The following RYR1 variants were observed in gnomAD, a reference collection of about 807,000 sequenced individuals.
RYR1 encodes ryanodine receptor 1, also known as central core disease of muscle.
In RYR1, 342 loss-of-function variants were observed where a neutral mutation model predicts 583.5. That is an observed-to-expected ratio of 0.59 (90% CI 0.54 to 0.64). RYR1 has a LOEUF of 0.64. Ranked by LOEUF, RYR1 falls within the 30% of genes least tolerant of loss-of-function variation. The pLI is 0.00. For missense variants in RYR1, 6,032 were observed against 6,917.2 expected (o/e 0.87, Z 4.54); for synonymous variants, 2,791 against 2,822.5 (o/e 0.99, Z 0.35).
Position 38,490,133 on chromosome 19 carries a change from C to G in RYR1, c.5872C>G (p.Leu1958Val), listed in dbSNP as rs1473676877. The G allele has an allele frequency of 6.2e-7, 1 of 1,614,230 alleles. No homozygotes were observed. Among genetic ancestry groups the G allele is most frequent in the East Asian group, 2.2e-5 (1 of 44,878 alleles). Reference sequence around the variant, plus strand: ...AGAGCTGCAGCACCGTGTGGAGTCCCTGGCAGCCTTTGCGGAGCGCTATGT... The same window carrying G: ...AGAGCTGCAGCACCGTGTGGAGTCCGTGGCAGCCTTTGCGGAGCGCTATGT... The part of the protein sequence containing the change: ...DQELQHRVES[L>V]AAFAERYVDK... The change falls in exon 36 of 106, where the codon CTG becomes GTG. Residue 1958 changes from leucine (L) to valine (V), a missense_variant. This residue lies in a region of RYR1 where 2,627 missense variants were observed against 2,961.3 expected (regional missense o/e 0.89). Coordinates refer to ENST00000359596, the MANE Select transcript of RYR1 (RefSeq NM_000540.3).
intron 84 of RYR1, among the ~76,000 whole-genome samples, chr19:38,542,082 T>TC (rs1037166330): frequency 8.0e-6 from 1 of 124,956 alleles, no homozygotes; most frequent in African/African-American, 3.1e-5. Context: ...AAAAAAAAAA[T>TC]CCCCCCCAAG....
chr19:38,474,110 C>T (rs1968587418), intron 28 of RYR1, among the ~76,000 whole-genome samples: 1 of 152,224 alleles, frequency 6.6e-6, no homozygotes, highest in Non-Finnish European at 1.5e-5. Context: ...GGAGAGTTTA[C>T]TGCACAGTAA....
At chr19:38,498,235 TCTGG>T (rs1415441064) in intron 42 of RYR1, among the ~76,000 whole-genome samples, 16 of 152,266 alleles carry the variant, frequency 1.1e-4, no homozygotes, top group African/African-American at 3.9e-4. Context: ...CAACAAGGGC[TCTGG>T]CTTTTACCCT....
chr19:38,544,848 G>T (rs1181751503), intron 87 of RYR1, among the ~76,000 whole-genome samples: 4 of 152,180 alleles, frequency 2.6e-5, no homozygotes, highest in Non-Finnish European at 5.9e-5. Flanking sequence ...GGTTGCAAAA[G>T]CTAGAAATCC....
At chr19:38,502,792 C>CAGGGGGAGGGGCAGGGGGAGGGGG in intron 48 of RYR1, 65 bp downstream of exon 48, 1 of 678,854 alleles carries the variant, frequency 1.5e-6, no homozygotes, top group East Asian at 3.9e-5. Flanking sequence ...GGGGCAGGGG[C>CAGGGGGAGGGGCAGGGGGAGGGGG]AGGGGCAGGG....
At chr19:38,582,746 T>G (rs1444755116) in intron 101 of RYR1, among the ~76,000 whole-genome samples, 2 of 152,180 alleles carry the variant, frequency 1.3e-5, no homozygotes, top group East Asian at 3.8e-4. Context: ...TAACCCAAAT[T>G]GATGCGAACT....
chr19:38,550,063 C>G (rs1326064783), intron 89 of RYR1, among the ~76,000 whole-genome samples: 1 of 151,950 alleles, frequency 6.6e-6, no homozygotes, highest in Non-Finnish European at 1.5e-5. Context: ...GCCAATTTCC[C>G]TTTACTTTGA....
chr19:38,471,271 G>A (rs111805366), intron 27 of RYR1, among the ~76,000 whole-genome samples: 5,550 of 152,292 alleles, frequency 0.036, 324 homozygotes, highest in African/African-American at 0.13. Context: ...GCTCACGCCT[G>A]TAATCTCAGC....
At chr19:38,536,159 T>G (rs1971956440) in intron 82 of RYR1, 89 bp downstream of exon 82, 2 of 1,071,540 alleles carry the variant, frequency 1.9e-6, no homozygotes, top group African/African-American at 4.4e-5. Context: ...TGCCCAGAGC[T>G]CCCTTCCTCC....
chr19:38,578,159 T>C lies in RYR1; in HGVS notation c.14319T>C (p.Asp4773=). The change falls in exon 99 of 106, where the codon GAT becomes GAC. Residue 4773 remains aspartate, a synonymous_variant. Coordinates refer to ENST00000359596, the MANE Select transcript of RYR1 (RefSeq NM_000540.3). ...PGLLTWLMSI[D]VKYQIWKFGV... is the part of the protein sequence containing the mutation. Reference sequence around the variant, plus strand: ...GCCCCCACAGGCTCATGTCCATCGATGTCAAGTACCAGATCTGGAAGTTCG... The same window carrying C: ...GCCCCCACAGGCTCATGTCCATCGACGTCAAGTACCAGATCTGGAAGTTCG... The C allele has an allele frequency of 6.2e-7, 1 of 1,611,866 alleles. No homozygotes were observed. The highest frequency in any genetic ancestry group is 8.5e-7 in the Non-Finnish European group (1 of 1,178,264).
Position 38,489,214 on chromosome 19 carries a change from T to C in RYR1, c.5585T>C (p.Ile1862Thr), listed in dbSNP as rs768180138. 5.0e-6 allele frequency: 8 copies of C among 1,613,592 alleles called. No individual in the cohort carries two copies. Among genetic ancestry groups the C allele is most frequent in the Non-Finnish European group, 6.8e-6 (8 of 1,179,978 alleles). ...TTTGGCGATGAGGATGTGAAACAGATCTTGAAGATGATTGAGCCTGAGGTC... is the reference window on the plus strand; with the variant it reads ...TTTGGCGATGAGGATGTGAAACAGACCTTGAAGATGATTGAGCCTGAGGTC... ...GIFGDEDVKQ[I>T]LKMIEPEVFT... The change falls in exon 35 of 106, where the codon ATC (isoleucine) becomes ACC (threonine). Residue 1862 changes from isoleucine to threonine, a missense_variant. Physicochemically the swap from Ile to Thr is moderately conservative, Grantham distance 89. Around this residue, in one of 11 missense-constraint regions of RYR1, gnomAD observed 2,627 missense variants for 2,961.3 expected, o/e 0.89. Transcript: ENST00000359596.
chr19:38,502,724 G>C lies in RYR1; in HGVS notation c.7832G>C (p.Cys2611Ser). The part of the protein sequence containing the change: ...DVIEDCLMSL[C>S]RYIRPSMLQH... ...ATCGAGGACTGCCTCATGTCGCTCT[G>C]CAGGTGGAGCGGGGCAGGCTTCAGG... Residue 2611 changes from cysteine to serine, a missense_variant, in exon 48 of 106, where the codon TGC becomes TCC. By Grantham distance (112) the Cys-to-Ser change is moderately radical. Transcript: ENST00000359596. 6.3e-7 allele frequency: 1 copy of C among 1,588,156 alleles called. No homozygotes were observed. Among genetic ancestry groups the C allele is most frequent in the Non-Finnish European group, 8.5e-7 (1 of 1,172,714 alleles).
In RYR1 at chr19:38,561,029, A is replaced by T. The variant is rs1973107752; in HGVS notation, c.12283-84A>T. 1 of 1,295,738 alleles carries T rather than the reference A, an allele frequency of 7.7e-7. No homozygotes were observed. Among genetic ancestry groups the T allele is most frequent in the African/African-American group, 1.5e-5 (1 of 66,346 alleles). 80.3% of individuals were successfully genotyped at this position (1,295,738 alleles called of 1,614,324 possible). On this transcript the variant is annotated intron_variant, in intron 89 of 105. Coordinates refer to ENST00000359596, the MANE Select transcript of RYR1 (RefSeq NM_000540.3). This position sits in a 1 kb window ranked among gnomAD's most constrained non-coding sequence, Gnocchi z 4.8. ...GCACTCCAGCCTGGGCGACACAGCG[A>T]GACCTTGTCTTAAAAAAAAAAAAAA...
At chr19:38,532,814 G>A (rs1971801786) in intron 78 of RYR1, 78 bp downstream of exon 78, 2 of 1,464,464 alleles carry the variant, frequency 1.4e-6, no homozygotes, top group South Asian at 1.2e-5. Flanking sequence ...TTCAGCATGT[G>A]TTCACAGAGC....
At chr19:38,511,512 C>T (rs956972622) in intron 60 of RYR1, 49 bp from the exon 61 acceptor site, 16 of 1,603,908 alleles carry the variant, frequency 1.0e-5, no homozygotes, top group Non-Finnish European at 1.3e-5. Context: ...TCTCCTTGGC[C>T]TCCTCACTCG....
chr19:38,509,447 A>T lies in RYR1; in HGVS notation c.8933-1051A>T, dbSNP rs138195690. On this transcript the variant is annotated intron_variant, in intron 58 of 105. Transcript: ENST00000359596. ...TGGAGCCAGTATTATTATTATTATT[A>T]TTATTTTTTTTTTTTTTTTTTTTGA... Among the ~76,000 whole-genome samples, 959 of 120,856 alleles carry T rather than the reference A, an allele frequency of 7.9e-3. 6 individuals are homozygous for T. Among genetic ancestry groups the T allele is most frequent in the Non-Finnish European group, 0.012 (692 of 57,498 alleles). The allele number at this position is 120,856 out of a possible 152,430, so 79.3% of individuals were successfully genotyped here.
At chr19:38,545,634 G>A (rs1972389843) in intron 87 of RYR1, among the ~76,000 whole-genome samples, 1 of 152,170 alleles carries the variant, frequency 6.6e-6, no homozygotes, top group Non-Finnish European at 1.5e-5. Flanking sequence ...CCAACATGGA[G>A]AAACCCCATC....
intron 27 of RYR1, among the ~76,000 whole-genome samples, chr19:38,470,237 G>GAC (rs1968350627): frequency 6.6e-6 from 1 of 151,666 alleles, no homozygotes; most frequent in Non-Finnish European, 1.5e-5. Context: ...AAGAGACAGA[G>GAC]CAAGACCCTA....
intron 9 of RYR1, 137 bp from the exon 10 acceptor site, chr19:38,448,218 G>A (rs1966889089): frequency 3.1e-6 from 3 of 979,256 alleles, no homozygotes; most frequent in South Asian, 1.6e-5. Flanking sequence ...GATTGCTTGA[G>A]CCCTGGAGTT....
Sources: allele counts gnomAD v4.1 joint callset (sites outside exome capture counted in the v4.1 genomes callset), GRCh38; gene constraint gnomAD v4.1.1; regional missense constraint gnomAD v4.1.1; non-coding constraint Gnocchi (gnomAD v3.1); transcripts MANE v1.5; gene names NCBI Gene and HGNC (gene_info 2026-07-23, HGNC 2026-07-21).